The following ASPH variants were observed in gnomAD, a reference collection of about 807,000 sequenced individuals.
ASPH encodes the protein aspartate beta-hydroxylase.
In ASPH, 100 loss-of-function variants were observed where a neutral mutation model predicts 118.4. The ratio of observed to expected loss-of-function variants is 0.84; its 90% confidence interval spans 0.72 to 1.00. ASPH has a LOEUF of 1.00. Among genes scored for constraint, ASPH ranks in the 50% least tolerant of loss-of-function variants. ASPH has a pLI of 0.00. For synonymous variants in ASPH, 315 were observed against 325.6 expected (o/e 0.97, Z 0.35); for missense variants, 920 against 919.5 (o/e 1.00, Z -0.01).
chr8:61,520,746 G>A (rs1271238234), intron 22 of ASPH, among the ~76,000 whole-genome samples: 1 of 152,158 alleles, frequency 6.6e-6, no homozygotes, highest in Non-Finnish European at 1.5e-5. Flanking sequence ...TGCTGTCCAG[G>A]CAGCAGTTAA....
At chr8:61,589,090 A>G (rs1840333640) in intron 14 of ASPH, among the ~76,000 whole-genome samples, 1 of 152,232 alleles carries the variant, frequency 6.6e-6, no homozygotes, top group South Asian at 2.1e-4. Context: ...GTGGCTTCAG[A>G]GGCTGTGGTG....
chr8:61,549,282 CTT>C (rs1012060299), intron 20 of ASPH, among the ~76,000 whole-genome samples: 1 of 152,114 alleles, frequency 6.6e-6, no homozygotes, highest in Non-Finnish European at 1.5e-5. Context: ...TTCAGTAACA[CTT>C]TACATTGACT....
intron 24 of ASPH, among the ~76,000 whole-genome samples, chr8:61,516,719 G>T (rs933906413): frequency 6.6e-6 from 1 of 152,170 alleles, no homozygotes; most frequent in Non-Finnish European, 1.5e-5. Flanking sequence ...TTAGTAATAG[G>T]TTTATTTTGG....
At chr8:61,614,117 C>A (rs534925381) in intron 14 of ASPH, among the ~76,000 whole-genome samples, 1 of 151,732 alleles carries the variant, frequency 6.6e-6, no homozygotes, top group African/African-American at 2.4e-5. Flanking sequence ...TTTGTTAGGG[C>A]CCTGATTATG....
intron 14 of ASPH, among the ~76,000 whole-genome samples, chr8:61,598,444 C>A (rs1843029540): frequency 6.6e-6 from 1 of 152,152 alleles, no homozygotes; most frequent in Non-Finnish European, 1.5e-5. Flanking sequence ...GGGATCAATT[C>A]TTCAAGAGGA....
chr8:61,685,520 A>G (rs1830124014), intron 1 of ASPH, among the ~76,000 whole-genome samples: 2 of 152,154 alleles, frequency 1.3e-5, no homozygotes, highest in African/African-American at 4.8e-5. Flanking sequence ...CACTAGCTCT[A>G]ATCTAGAACT....
chr8:61,664,417 T>C (rs2350917), intron 3 of ASPH: 486,054 of 977,604 alleles, frequency 0.5, 121,759 homozygotes, highest in East Asian at 0.51. Flanking sequence ...AAAGGTATCA[T>C]AAATAAAAGT....
chr8:61,596,010 G>A lies in ASPH; in HGVS notation c.977-11981C>T, dbSNP rs146562441. On this transcript the variant is annotated intron_variant, in intron 14 of 24. Coordinates refer to ENST00000379454, the MANE Select transcript of ASPH (RefSeq NM_004318.4). ...CATCTGGATGTGTAAGGATTGCCCCGTGCCCCACCCCTCAATGCAGCCTGC... is the reference window on the plus strand; with the variant it reads ...CATCTGGATGTGTAAGGATTGCCCCATGCCCCACCCCTCAATGCAGCCTGC... Among the ~76,000 whole-genome samples, 331 of 136,976 alleles carry A rather than the reference G, an allele frequency of 2.4e-3. 1 individual carries two copies. The highest frequency in any genetic ancestry group is 8.5e-3 in the African/African-American group (309 of 36,440). 89.9% of individuals were successfully genotyped at this position (136,976 alleles called of 152,430 possible).
chr8:61,714,163 C>G lies in ASPH; in HGVS notation c.103+106G>C. 3 of 1,269,416 alleles carry G rather than the reference C, an allele frequency of 2.4e-6. No homozygotes were observed. The Admixed American group carries it at 1.3e-4, about 54-fold the overall frequency. 78.6% of individuals were successfully genotyped at this position (1,269,416 alleles called of 1,614,324 possible). On this transcript the variant is annotated intron_variant, in intron 1 of 24. Coordinates refer to ENST00000379454, the MANE Select transcript of ASPH (RefSeq NM_004318.4). Reference sequence around the variant, plus strand: ...GGAGGAGCGTCGCGGGGGATGGAGGCGGCGCGCGGTGGGACCTGGGGAGAT... The same window carrying G: ...GGAGGAGCGTCGCGGGGGATGGAGGGGGCGCGCGGTGGGACCTGGGGAGAT...
chr8:61,517,919 T>C (rs1586390948), intron 23 of ASPH, 113 bp downstream of exon 23: 2 of 1,201,634 alleles, frequency 1.7e-6, no homozygotes, highest in Non-Finnish European at 1.2e-6. Context: ...AAAAAGGGCA[T>C]GTAAAAAGAG....
chr8:61,623,053 T>C (rs998290676), intron 13 of ASPH, among the ~76,000 whole-genome samples: 3 of 152,156 alleles, frequency 2.0e-5, no homozygotes, highest in Non-Finnish European at 4.4e-5. Context: ...TGCCCTTCCA[T>C]CCACTCACGA....
intron 15 of ASPH, among the ~76,000 whole-genome samples, chr8:61,577,209 G>C (rs1027337676): frequency 1.3e-5 from 2 of 151,808 alleles, no homozygotes; most frequent in Non-Finnish European, 2.9e-5. Flanking sequence ...CTAGCATTAG[G>C]AGATATACCT....
intron 21 of ASPH, among the ~76,000 whole-genome samples, chr8:61,535,455 TAAGAAA>T (rs1366570226): frequency 1.3e-5 from 2 of 152,200 alleles, no homozygotes; most frequent in African/African-American, 4.8e-5. Flanking sequence ...GACTAGCTGT[TAAGAAA>T]AAGAGGCATC....
intron 10 of ASPH, among the ~76,000 whole-genome samples, chr8:61,638,907 G>T (rs571929337): frequency 5.9e-5 from 9 of 152,280 alleles, no homozygotes; most frequent in Non-Finnish European, 8.8e-5. Flanking sequence ...GTGGCTCAAA[G>T]CTTCCTCAGT....
intron 16 of ASPH, among the ~76,000 whole-genome samples, chr8:61,575,977 T>C (rs1451189083): frequency 1.3e-5 from 2 of 152,208 alleles, no homozygotes; most frequent in Non-Finnish European, 2.9e-5. Flanking sequence ...GCCTCTTCCA[T>C]GGAAACCTCA....
In ASPH at chr8:61,502,381, G is replaced by A. The variant is rs1805090451; in HGVS notation, c.*978C>T. ...AATCATCTCCAAGACTGAAGAGCTG[G>A]CTTCCTGACATTCACATGGATCTAC... On this transcript the variant is annotated 3_prime_UTR_variant, in exon 25 of 25. Coordinates refer to ENST00000379454, the MANE Select transcript of ASPH (RefSeq NM_004318.4). The A allele has an allele frequency of 6.6e-6, 1 of 152,136 alleles. No homozygotes were observed. The highest frequency in any genetic ancestry group is 6.6e-5 in the Admixed American group (1 of 15,260). The allele number at this position is 152,136 out of a possible 1,614,324, so 9.4% of individuals were successfully genotyped here. A position where few individuals can be genotyped will look rare whatever the true frequency, so the allele number is the denominator to read the frequency against.
intron 3 of ASPH, among the ~76,000 whole-genome samples, chr8:61,666,805 C>G (rs1482579282): frequency 5.9e-5 from 9 of 152,110 alleles, no homozygotes; most frequent in Admixed American, 5.9e-4. Flanking sequence ...GCTGAGTCTT[C>G]ATTCTACTTC....
chr8:61,714,508 C>T lies in ASPH; in HGVS notation c.-137G>A, dbSNP rs1246171524. 6.4e-6 allele frequency: 8 copies of T among 1,245,096 alleles called. No individual in the cohort carries two copies. Among genetic ancestry groups the T allele is most frequent in the Non-Finnish European group, 8.3e-6 (8 of 969,204 alleles). 77.1% of individuals were successfully genotyped at this position (1,245,096 alleles called of 1,614,324 possible). On this transcript the variant is annotated 5_prime_UTR_variant, in exon 1 of 25. Transcript: ENST00000379454. ...CGCTGCTCCTGCAGCAGACCCTGTG[C>T]CTCAGCACCGCCTGCAGCACCTGGG... is the stretch of plus-strand genomic sequence containing the variant.
At chr8:61,518,212 T>C (rs1811600109) in intron 22 of ASPH, 89 bp from the exon 23 acceptor site, 1 of 1,094,576 alleles carries the variant, frequency 9.1e-7, no homozygotes, top group African/African-American at 1.6e-5. Flanking sequence ...TATGTCATCC[T>C]CACTGCAGGA....
Sources: gnomAD v4.1 joint callset for allele counts (sites outside exome capture counted in the v4.1 genomes callset) on GRCh38, gnomAD v4.1.1 for gene constraint, MANE v1.5 for transcripts, NCBI Gene and HGNC (gene_info 2026-07-23, HGNC 2026-07-21) for gene names.